SEC11A: variants seen among roughly 807,000 people sequenced by gnomAD.
SEC11A encodes signal peptidase complex catalytic subunit SEC11A.
SEC11A carries 14 observed loss-of-function variants against 25.6 expected under a neutral mutation model. The observed-to-expected ratio is 0.55, with a 90% confidence interval of 0.36 to 0.85. The LOEUF (loss-of-function observed/expected upper bound fraction) is 0.85, where lower values mean the gene tolerates loss of function less well. SEC11A is among the 40% of genes least tolerant of loss of function. SEC11A has a pLI of 0.01. For synonymous variants in SEC11A, 83 were observed against 76.4 expected (o/e 1.09, Z -0.45); for missense variants, 153 against 222.9 (o/e 0.69, Z 2.00).
At chr15:84,677,690 G>A (rs1038087878) in intron 4 of SEC11A, among the ~76,000 whole-genome samples, 5 of 151,956 alleles carry the variant, frequency 3.3e-5, no homozygotes, top group Non-Finnish European at 7.4e-5. Context: ...AGCCAGGATG[G>A]TCTCGATCTC....
At chr15:84,715,768 C>T (rs187603724) in intron 1 of SEC11A, among the ~76,000 whole-genome samples, 3 of 152,314 alleles carry the variant, frequency 2.0e-5, no homozygotes, top group Admixed American at 6.5e-5. Flanking sequence ...CCATTTGCTC[C>T]CCTGCCTCAG....
chr15:84,691,840 G>A (rs1897616993), intron 1 of SEC11A, 196 bp from the exon 2 acceptor site: 3 of 401,130 alleles, frequency 7.5e-6, no homozygotes, highest in African/African-American at 4.1e-5. Flanking sequence ...AAAGCACCCT[G>A]CTCCATTTTG....
chr15:84,700,593 CAAAAAAAAAAAA>C (rs776113920), intron 1 of SEC11A, among the ~76,000 whole-genome samples: 28 of 36,104 alleles, frequency 7.8e-4, no homozygotes, highest in African/African-American at 3.4e-3. Flanking sequence ...GACTCTGTCT[CAAAAAAAAAAAA>C]AAAAAAAAAA....
chr15:84,699,931 T>C (rs74024733), intron 1 of SEC11A, among the ~76,000 whole-genome samples: 2,367 of 152,036 alleles, frequency 0.016, 109 homozygotes, highest in African/African-American at 0.054. Context: ...GGCGTAAGAA[T>C]AGTTTGTTTC....
At chr15:84,706,874 A>C (rs978768121) in intron 1 of SEC11A, among the ~76,000 whole-genome samples, 3 of 152,216 alleles carry the variant, frequency 2.0e-5, no homozygotes, top group Non-Finnish European at 4.4e-5. Flanking sequence ...AGTAGCTGCA[A>C]TTACGCAGAA....
chr15:84,698,923 A>G (rs990824198), intron 1 of SEC11A, among the ~76,000 whole-genome samples: 1 of 152,228 alleles, frequency 6.6e-6, no homozygotes, highest in African/African-American at 2.4e-5. Context: ...CAGATACTCA[A>G]CCCGTACATA....
At chr15:84,683,901 T>C (rs1044886938) in intron 3 of SEC11A, among the ~76,000 whole-genome samples, 2 of 152,202 alleles carry the variant, frequency 1.3e-5, no homozygotes, top group Non-Finnish European at 2.9e-5. Context: ...CATATTTACA[T>C]AGGATTTTTC....
At chr15:84,696,622 T>C (rs1465885430) in intron 1 of SEC11A, among the ~76,000 whole-genome samples, 2 of 152,162 alleles carry the variant, frequency 1.3e-5, no homozygotes, top group African/African-American at 2.4e-5. Context: ...GGGTGTGATT[T>C]TGAAAAGGTA....
At chr15:84,705,851 T>A (rs1898079419) in intron 1 of SEC11A, among the ~76,000 whole-genome samples, 1 of 150,194 alleles carries the variant, frequency 6.7e-6, no homozygotes, top group Non-Finnish European at 1.5e-5. Context: ...CGAGATTCCA[T>A]CAAAAAAAAA....
intron 4 of SEC11A, among the ~76,000 whole-genome samples, chr15:84,677,761 C>A (rs1897178033): frequency 6.6e-6 from 1 of 152,188 alleles, no homozygotes; most frequent in African/African-American, 2.4e-5. Flanking sequence ...GCGTTAGCCA[C>A]CGCACCCAGC....
Position 84,687,680 on chromosome 15 carries a change from T to C in SEC11A, c.256A>G (p.Arg86Gly). The C allele has an allele frequency of 6.2e-7, 1 of 1,601,906 alleles. No individual in the cohort carries two copies. Among genetic ancestry groups the C allele is most frequent in the Non-Finnish European group, 8.5e-7 (1 of 1,177,348 alleles). The change falls in exon 3 of 6, where the codon AGG (arginine) becomes GGG (glycine). Residue 86 changes from arginine (R) to glycine (G), a missense_variant. Physicochemically the swap from Arg to Gly is moderately radical, Grantham distance 125. Coordinates refer to ENST00000268220, the MANE Select transcript of SEC11A (RefSeq NM_014300.4). ...ATAGGAATCTCTCTTCCTTCTATCC[T>C]AAAAACAACAATTTCTCCCACTCGT... is the stretch of plus-strand genomic sequence containing the variant. ...PIRVGEIVVF[R>G]IEGREIPIVH...
chr15:84,694,595 T>C (rs1212408816), intron 1 of SEC11A, among the ~76,000 whole-genome samples: 4 of 152,134 alleles, frequency 2.6e-5, no homozygotes, highest in Non-Finnish European at 5.9e-5. Context: ...CTATTCATTC[T>C]GGTGTTTACC....
At chr15:84,707,824 A>C (rs1408358203) in intron 1 of SEC11A, among the ~76,000 whole-genome samples, 1 of 152,196 alleles carries the variant, frequency 6.6e-6, no homozygotes, top group African/African-American at 2.4e-5. Context: ...ATATCAAGGA[A>C]TGGTAGCAAG....
intron 1 of SEC11A, among the ~76,000 whole-genome samples, chr15:84,709,328 C>A (rs931384690): frequency 2.6e-5 from 4 of 151,894 alleles, no homozygotes; most frequent in African/African-American, 9.7e-5. Flanking sequence ...CCGCACCTAG[C>A]TATCATTTTT....
At chr15:84,678,189 T>C (rs960440141) in intron 4 of SEC11A, among the ~76,000 whole-genome samples, 10 of 148,394 alleles carry the variant, frequency 6.7e-5, no homozygotes, top group African/African-American at 2.5e-4. Flanking sequence ...AGAGCAAGAC[T>C]CTCCAGCCTG....
At chr15:84,708,432 G>A (rs1178753384) in intron 1 of SEC11A, among the ~76,000 whole-genome samples, 2 of 151,796 alleles carry the variant, frequency 1.3e-5, no homozygotes, top group Non-Finnish European at 2.9e-5. Flanking sequence ...AAAAAGTAGT[G>A]GCTTTATCCT....
chr15:84,674,458 ACT>A (rs1349489523), intron 4 of SEC11A, among the ~76,000 whole-genome samples: 3 of 151,914 alleles, frequency 2.0e-5, no homozygotes, highest in South Asian at 2.1e-4. Flanking sequence ...ATACACAGAG[ACT>A]CTGTTACCTC....
chr15:84,685,610 G>A (rs1897396862), intron 3 of SEC11A, among the ~76,000 whole-genome samples: 1 of 151,600 alleles, frequency 6.6e-6, no homozygotes, highest in African/African-American at 2.4e-5. Flanking sequence ...AAATTAAAAT[G>A]GAGAAATTTT....
At chr15:84,703,358 A>C (rs1898004301) in intron 1 of SEC11A, among the ~76,000 whole-genome samples, 1 of 152,174 alleles carries the variant, frequency 6.6e-6, no homozygotes, top group African/African-American at 2.4e-5. Context: ...GGGCTCAAGC[A>C]TGTCTTGAAG....
Sources: gnomAD v4.1 joint callset for allele counts (sites outside exome capture counted in the v4.1 genomes callset) on GRCh38, gnomAD v4.1.1 for gene constraint, MANE v1.5 for transcripts, NCBI Gene and HGNC (gene_info 2026-07-23, HGNC 2026-07-21) for gene names.